Variants in ARHGAP11B observed in about 807,000 individuals in gnomAD.
ARHGAP11B encodes the protein inactive Rho GTPase-activating protein 11B.
In ARHGAP11B, 14 loss-of-function variants were observed where a neutral mutation model predicts 27.6. The ratio of observed to expected loss-of-function variants is 0.51; its 90% CI spans 0.34 to 0.79. ARHGAP11B has a LOEUF of 0.79. ARHGAP11B is among the 30% of genes least tolerant of loss of function. The pLI is 0.02. For missense variants in ARHGAP11B, 245 were observed against 320.1 expected (o/e 0.77, Z 1.79); for synonymous variants, 82 against 114.1 (o/e 0.72, Z 1.80).
intron 7 of ARHGAP11B, among the ~76,000 whole-genome samples, chr15:30,642,672 T>C (rs1170206935): frequency 6.6e-6 from 1 of 151,986 alleles, no homozygotes; most frequent in Non-Finnish European, 1.5e-5. Flanking sequence ...TAAAGCCATT[T>C]AGTAAGTGAT....
intron 7 of ARHGAP11B, among the ~76,000 whole-genome samples, chr15:30,639,597 T>C (rs1197348061): frequency 6.6e-6 from 1 of 151,952 alleles, no homozygotes; most frequent in Non-Finnish European, 1.5e-5. Context: ...AGAAGTTGGT[T>C]TTGTTTTGAT....
intron 4 of ARHGAP11B, 68 bp from the exon 5 acceptor site, chr15:30,635,012 A>C: frequency 6.5e-7 from 1 of 1,528,280 alleles, no homozygotes; most frequent in Non-Finnish European, 9.1e-7. Context: ...AATGTACTAC[A>C]TACGTTATTT....
chr15:30,632,811 G>A (rs1008292501), intron 2 of ARHGAP11B, among the ~76,000 whole-genome samples: 3 of 152,066 alleles, frequency 2.0e-5, no homozygotes, highest in Middle Eastern at 3.4e-3. Context: ...AAAAAACCTC[G>A]CCCTGTTTTT....
chr15:30,639,820 G>A (rs2060304148), intron 7 of ARHGAP11B, among the ~76,000 whole-genome samples: 1 of 151,966 alleles, frequency 6.6e-6, no homozygotes, highest in East Asian at 1.9e-4. Flanking sequence ...TAAATGGATT[G>A]TAAAGATTAA....
At chr15:30,639,352 G>A (rs952067683) in intron 7 of ARHGAP11B, among the ~76,000 whole-genome samples, 5 of 151,340 alleles carry the variant, frequency 3.3e-5, no homozygotes, top group South Asian at 2.1e-4. Context: ...ATTCTTTAAT[G>A]TATATCATAT....
intron 6 of ARHGAP11B, among the ~76,000 whole-genome samples, chr15:30,637,812 C>T (rs1267247697): frequency 7.1e-6 from 1 of 141,330 alleles, no homozygotes; most frequent in Admixed American, 7.3e-5. Flanking sequence ...GCTATTAAGG[C>T]TCACTTTTTT....
chr15:30,642,065 A>G (rs1018632347), intron 7 of ARHGAP11B, among the ~76,000 whole-genome samples: 2 of 152,028 alleles, frequency 1.3e-5, no homozygotes, highest in Non-Finnish European at 2.9e-5. Context: ...AAAGCTACTT[A>G]TGACACTTTA....
At chr15:30,647,631 A>G in intron 9 of ARHGAP11B, 1 of 176,626 alleles carries the variant, frequency 5.7e-6, no homozygotes, top group Non-Finnish European at 1.3e-5. Flanking sequence ...AAATATTTTA[A>G]TTTTTTCTTT....
intron 7 of ARHGAP11B, among the ~76,000 whole-genome samples, chr15:30,639,971 AGTGTGTGTGTGTGT>A (rs71103435): frequency 2.3e-4 from 33 of 143,284 alleles, no homozygotes; most frequent in South Asian, 9.2e-4. Context: ...TTCAATATAG[AGTGTGTGTGTGTGT>A]GTGTGTGTGT....
Position 30,627,734 on chromosome 15 carries a change from A to G in ARHGAP11B, c.129+785A>G, listed in dbSNP as rs528992777. ...AGCTGAATGTAAAGCATTTTATTTT[A>G]AATTTATGTGCCTAATTTATATGGT... On this transcript the variant is annotated intron_variant, in intron 1 of 10. Transcript: ENST00000428041. 1.4e-3 allele frequency among the ~76,000 whole-genome samples: 207 copies of G among 152,186 alleles called. 1 individual carries two copies. In the Middle Eastern group the frequency reaches 0.014, roughly 10 times the overall value.
At chr15:30,629,542 G>A (rs1021427171) in intron 1 of ARHGAP11B, among the ~76,000 whole-genome samples, 4 of 151,966 alleles carry the variant, frequency 2.6e-5, no homozygotes, top group African/African-American at 9.7e-5. Context: ...CACAAAGTGA[G>A]ACTCCGTCTC....
chr15:30,645,553 A>T (rs1860345739), intron 8 of ARHGAP11B, among the ~76,000 whole-genome samples: 1 of 152,026 alleles, frequency 6.6e-6, no homozygotes, highest in Admixed American at 6.6e-5. Flanking sequence ...AGGAAATTAT[A>T]TTTACAATTT....
chr15:30,631,167 T>A (rs1023997235), intron 2 of ARHGAP11B, among the ~76,000 whole-genome samples: 13 of 151,520 alleles, frequency 8.6e-5, no homozygotes, highest in Non-Finnish European at 1.9e-4. Context: ...TTTTAACTTT[T>A]ACATATTTTA....
intron 2 of ARHGAP11B, among the ~76,000 whole-genome samples, chr15:30,631,787 CTT>C (rs765025486): frequency 1.3e-4 from 18 of 139,594 alleles, no homozygotes; most frequent in East Asian, 2.1e-4. Context: ...ACCTTTTGTT[CTT>C]TTTTTTTTTT....
intron 10 of ARHGAP11B, among the ~76,000 whole-genome samples, chr15:30,647,882 G>T (rs945271245): frequency 5.3e-5 from 8 of 151,866 alleles, no homozygotes; most frequent in African/African-American, 1.9e-4. Context: ...ATAAATTTTA[G>T]AATATTTAAA....
intron 8 of ARHGAP11B, chr15:30,644,827 A>T: frequency 2.2e-6 from 2 of 894,830 alleles, no homozygotes; most frequent in Non-Finnish European, 3.6e-6. Context: ...ACAATTGGTT[A>T]TATTCTTGGG....
At chr15:30,637,767 C>A (rs1161702895) in intron 6 of ARHGAP11B, among the ~76,000 whole-genome samples, 2 of 148,590 alleles carry the variant, frequency 1.3e-5, no homozygotes, top group Non-Finnish European at 3.0e-5. Context: ...TCTTCTTGGT[C>A]TTTATGCCTC....
chr15:30,643,531 C>G (rs902805218), intron 7 of ARHGAP11B, among the ~76,000 whole-genome samples: 23 of 152,018 alleles, frequency 1.5e-4, no homozygotes, highest in African/African-American at 5.6e-4. Flanking sequence ...CCTGCCTAGG[C>G]CTGCCAAAGT....
intron 7 of ARHGAP11B, among the ~76,000 whole-genome samples, chr15:30,642,028 A>G (rs2060319019): frequency 1.3e-5 from 2 of 152,018 alleles, no homozygotes; most frequent in Non-Finnish European, 2.9e-5. Context: ...ACACATTTTT[A>G]AAGTGACTAG....
Sources: allele counts gnomAD v4.1 joint callset (sites outside exome capture counted in the v4.1 genomes callset), GRCh38; gene constraint gnomAD v4.1.1; transcripts MANE v1.5; gene names NCBI Gene and HGNC (gene_info 2026-07-23, HGNC 2026-07-21).